Variants in ZNF177 observed in about 807,000 individuals in gnomAD.
The protein encoded by ZNF177 is zinc finger protein 177.
ZNF177 carries 17 observed loss-of-function variants against 19.4 expected under a neutral mutation model. The observed-to-expected ratio is 0.87, with a 90% CI of 0.60 to 1.31. ZNF177 has a LOEUF of 1.31. Ranked by LOEUF, ZNF177 falls within the 40% of genes most tolerant of loss-of-function variation. ZNF177 has a pLI of 0.00. For missense variants in ZNF177, 633 were observed against 561.8 expected (o/e 1.13, Z -1.28); for synonymous variants, 220 against 188.7 (o/e 1.17, Z -1.36).
chr19:9,379,856 C>T (rs889113018), intron 4 of ZNF177, among the ~76,000 whole-genome samples: 1 of 99,824 alleles, frequency 1.0e-5, no homozygotes, highest in East Asian at 3.0e-4. Flanking sequence ...ATTTCCCAAC[C>T]TCCACAATCC....
intron 5 of ZNF177, 199 bp from the exon 8 acceptor site, chr19:9,380,469 A>G: frequency 9.6e-7 from 1 of 1,038,014 alleles, no homozygotes; most frequent in Non-Finnish European, 1.4e-6. Context: ...GAAGGAATAG[A>G]GCCTTGGACA....
Position 9,379,519 on chromosome 19 carries a change from G to A in ZNF177, c.161-8G>A, listed in dbSNP as rs368850995. 155 of 1,611,872 alleles carry A rather than the reference G, an allele frequency of 9.6e-5. No individual in the cohort carries two copies. Among genetic ancestry groups the A allele is most frequent in the African/African-American group, 4.3e-4 (32 of 74,982 alleles). On this transcript the variant is annotated splice_region_variant and splice_polypyrimidine_tract_variant and intron_variant, in intron 3 of 5. Coordinates refer to ENST00000589262, the Ensembl canonical transcript of ZNF177. Reference sequence around the variant, plus strand: ...TTTCTCCCACATCCTTGCTTTCTGCGTGAGCAGGGTATCAGCTCTGCAGAC... The same window carrying A: ...TTTCTCCCACATCCTTGCTTTCTGCATGAGCAGGGTATCAGCTCTGCAGAC...
At chr19:9,369,323 A>G (rs1417547089) in intron 2 of ZNF177, among the ~76,000 whole-genome samples, 1 of 152,086 alleles carries the variant, frequency 6.6e-6, no homozygotes, top group East Asian at 1.9e-4. Flanking sequence ...TGAGACTAGA[A>G]TTTTATATCT....
At chr19:9,372,018 G>C (rs2068052940), upstream of ZNF177, among the ~76,000 whole-genome samples, 3 of 152,184 alleles carry the variant, frequency 2.0e-5, no homozygotes, top group African/African-American at 7.2e-5. Context: ...TGACACCTGT[G>C]TGTTAGCTAT....
At chr19:9,382,302 A>G (rs748218130), downstream of ZNF177, 18 of 398,572 alleles carry the variant, frequency 4.5e-5, no homozygotes, top group Non-Finnish European at 6.2e-5. Context: ...TACAGCTGCT[A>G]AGGAAGCTCA....
exon 6 of ZNF177, chr19:9,381,759 C>T: frequency 6.3e-7 from 1 of 1,599,058 alleles, no homozygotes; most frequent in Non-Finnish European, 8.5e-7. Context: ...TCCACAATGG[C>T]CAGAAACTCC....
chr19:9,378,868 T>A, intron 2 of ZNF177, 94 bp from the exon 5 acceptor site: 2 of 1,449,074 alleles, frequency 1.4e-6, no homozygotes, highest in Non-Finnish European at 9.1e-7. Context: ...GCCCTGAGTC[T>A]CCTCTCCAGT....
At chr19:9,379,027 T>C in exon 3 of ZNF177, 1 of 1,611,138 alleles carries the variant, frequency 6.2e-7, no homozygotes, top group Non-Finnish European at 8.5e-7. Context: ...TGCTGGACCC[T>C]GCTCAAAAAA....
At chr19:9,372,300 C>T (rs1157805996), upstream of ZNF177, among the ~76,000 whole-genome samples, 1 of 152,160 alleles carries the variant, frequency 6.6e-6, no homozygotes, top group African/African-American at 2.4e-5. Flanking sequence ...TACAGATCCT[C>T]AAGAGAGATT....
At chr19:9,382,579 TTACATCTAA>T (rs2068217993), downstream of ZNF177, 1 of 394,584 alleles carries the variant, frequency 2.5e-6, no homozygotes, top group Admixed American at 4.4e-5. Context: ...GTCCCAACTG[TTACATCTAA>T]TAAATGGTCA....
chr19:9,369,180 A>G (rs573211394), intron 2 of ZNF177, among the ~76,000 whole-genome samples: 1 of 152,166 alleles, frequency 6.6e-6, no homozygotes, highest in Admixed American at 6.5e-5. Context: ...AAGCATACTC[A>G]TTGTGTTGTT....
chr19:9,381,000 G>C (rs191075335), exon 6 of ZNF177: 1 of 1,571,524 alleles, frequency 6.4e-7, no homozygotes, highest in Non-Finnish European at 8.6e-7. Context: ...CAGTACGTGA[G>C]CAAATACCTA....
At chr19:9,379,272 C>G in intron 3 of ZNF177, 184 bp downstream of exon 5, 1 of 1,176,826 alleles carries the variant, frequency 8.5e-7, no homozygotes, top group Non-Finnish European at 1.2e-6. Context: ...TTCTCTATCA[C>G]TAATAGCTTA....
chr19:9,364,451 G>A (rs1488902955), intron 1 of ZNF177, among the ~76,000 whole-genome samples: 1 of 152,118 alleles, frequency 6.6e-6, no homozygotes, highest in Non-Finnish European at 1.5e-5. Flanking sequence ...CAATAGTGGA[G>A]GCAGAAAGTC....
At chr19:9,381,413 C>T in exon 6 of ZNF177, 1 of 1,613,808 alleles carries the variant, frequency 6.2e-7, no homozygotes, top group Non-Finnish European at 8.5e-7. Flanking sequence ...CATGTGAGAA[C>T]CCACACTGGA....
At position 9,379,611 on chromosome 19, in the gene ZNF177, A is replaced by T. The variant is rs1414734305; in HGVS notation, c.245A>T (p.Asp82Val). The T allele has an allele frequency of 1.9e-6, 3 of 1,613,648 alleles. No homozygotes were observed. In the African/African-American group the frequency reaches 4.0e-5, roughly 22 times the overall value. The change falls in exon 4 of 6, where the codon GAC (aspartate) becomes GTC (valine). Residue 82 changes from aspartate to valine, a missense_variant. Transcript: ENST00000589262. The stretch of plus-strand genomic sequence containing the variant: ...GATGAAAGAGGAATTTTACAAGGTG[A>T]CTGTGCAGGTGAGCCTTGGGCAGAA...
intron 5 of ZNF177, 144 bp downstream of exon 7, chr19:9,380,283 T>A: frequency 9.3e-7 from 1 of 1,079,554 alleles, no homozygotes; most frequent in Non-Finnish European, 1.3e-6. Flanking sequence ...GTTTGGAGTT[T>A]GATTTTCATG....
intron 2 of ZNF177, among the ~76,000 whole-genome samples, chr19:9,366,555 C>T (rs2067982674): frequency 6.6e-6 from 1 of 152,196 alleles, no homozygotes; most frequent in African/African-American, 2.4e-5. Flanking sequence ...CCATGCCTGG[C>T]CTTCATTTTC....
chr19:9,377,635 G>A (rs907316880), intron 1 of ZNF177, among the ~76,000 whole-genome samples: 6 of 152,136 alleles, frequency 3.9e-5, no homozygotes, highest in Admixed American at 2.0e-4. Flanking sequence ...TGGAAGGTAG[G>A]CTACTGAGTT....
Sources: allele counts gnomAD v4.1 joint callset (sites outside exome capture counted in the v4.1 genomes callset), GRCh38; gene constraint gnomAD v4.1.1; transcripts MANE v1.5; gene names NCBI Gene and HGNC (gene_info 2026-07-23, HGNC 2026-07-21).